The following NRG2 variants were observed in gnomAD, a reference collection of about 807,000 sequenced individuals.
NRG2 encodes pro-neuregulin-2, membrane-bound isoform.
Under a neutral mutation model 73.9 loss-of-function variants are expected in NRG2, and 27 were observed. The ratio of observed to expected loss-of-function variants is 0.37; its 90% CI spans 0.27 to 0.50. The LOEUF is 0.50. NRG2 is among the 20% of genes least tolerant of loss of function. The pLI is 0.96. For missense variants in NRG2, 1,126 were observed against 1,210.1 expected (o/e 0.93, Z 1.03); for synonymous variants, 532 against 541.0 (o/e 0.98, Z 0.23).
chr5:139,885,331 G>C lies in NRG2; in HGVS notation c.872+2009C>G, dbSNP rs540771974. On this transcript the variant is annotated intron_variant, in intron 2 of 9. Transcript: ENST00000361474. ...GACTAGGAGGAGCACCACAGGGCCC[G>C]GGGAGCAGGTATTCCCAGGCCGAGG... 2.6e-5 allele frequency among the ~76,000 whole-genome samples: 4 copies of C among 152,334 alleles called. No homozygotes were observed. In the South Asian group the frequency reaches 8.3e-4, roughly 32 times the overall value.
At chr5:139,962,415 TGAG>T (rs1306104155) in intron 1 of NRG2, among the ~76,000 whole-genome samples, 1 of 152,114 alleles carries the variant, frequency 6.6e-6, no homozygotes, top group East Asian at 1.9e-4. Context: ...TGGAGAAGAC[TGAG>T]GAGAACATTC....
chr5:139,883,833 G>A (rs1176878927), intron 2 of NRG2, among the ~76,000 whole-genome samples: 2 of 152,196 alleles, frequency 1.3e-5, no homozygotes, highest in Non-Finnish European at 2.9e-5. Context: ...GGAGAACAGG[G>A]AAGTTTCCAG....
At chr5:140,023,296 T>C (rs1012573832) in intron 1 of NRG2, among the ~76,000 whole-genome samples, 10 of 152,104 alleles carry the variant, frequency 6.6e-5, no homozygotes, top group Non-Finnish European at 1.5e-5. Flanking sequence ...GCTAATCTCC[T>C]TGTGGTCCTG....
At chr5:139,955,143 G>A (rs1223247463) in intron 1 of NRG2, among the ~76,000 whole-genome samples, 2 of 152,218 alleles carry the variant, frequency 1.3e-5, no homozygotes, top group South Asian at 2.1e-4. Context: ...TCTTGAGAAA[G>A]TCAAACAGTA....
intron 1 of NRG2, among the ~76,000 whole-genome samples, chr5:139,993,226 C>T (rs1478743826): frequency 6.6e-6 from 1 of 152,114 alleles, no homozygotes; most frequent in African/African-American, 2.4e-5. Flanking sequence ...CCTCTAATGG[C>T]TTCTCATTGA....
At position 139,887,157 on chromosome 5, in the gene NRG2, G is replaced by A. The variant is rs780798511; in HGVS notation, c.872+183C>T. On this transcript the variant is annotated intron_variant, in intron 2 of 9. Transcript: ENST00000361474. This position sits in a 1 kb window ranked among gnomAD's most constrained non-coding sequence, Gnocchi z 4.5. Reference sequence around the variant, plus strand: ...AAGACCCTGGGCCACCATGACCAGAGGGTCCCCGAGCTGCAGGAAGAAGGC... The same window carrying A: ...AAGACCCTGGGCCACCATGACCAGAAGGTCCCCGAGCTGCAGGAAGAAGGC... Among the ~76,000 whole-genome samples the A allele has an allele frequency of 6.6e-6, 1 of 152,236 alleles. No individual in the cohort carries two copies. Among genetic ancestry groups the A allele is most frequent in the Non-Finnish European group, 1.5e-5 (1 of 68,046 alleles).
At chr5:139,905,809 C>T (rs1040759603) in intron 1 of NRG2, among the ~76,000 whole-genome samples, 1 of 152,110 alleles carries the variant, frequency 6.6e-6, no homozygotes, top group Admixed American at 6.5e-5. Flanking sequence ...TGGGCAGAAC[C>T]AGAGCCAGGG....
In NRG2 at chr5:139,894,468, A is replaced by C. The variant is rs916013676; in HGVS notation, c.701-6957T>G. Among the ~76,000 whole-genome samples, 3 of 148,278 alleles carry C rather than the reference A, an allele frequency of 2.0e-5. No homozygotes were observed. The highest frequency in any genetic ancestry group is 5.1e-5 in the African/African-American group (2 of 39,602). ...TTCAAATGAGAAAGAAAAAAAAAAA[A>C]CCCACTAAGCTAAAAACACAGCTGG... On this transcript the variant is annotated intron_variant, in intron 1 of 9. Transcript: ENST00000361474. This position sits in a 1 kb window ranked among gnomAD's most constrained non-coding sequence, Gnocchi z 5.0.
At position 139,887,361 on chromosome 5, in the gene NRG2, C is replaced by G; in HGVS notation, c.851G>C (p.Arg284Pro). Residue 284 changes from arginine (R) to proline (P), a missense_variant, in exon 2 of 10, where the codon CGC becomes CCC. Physicochemically the swap from Arg to Pro is moderately radical, Grantham distance 103. Around this residue, in one of 3 missense-constraint regions of NRG2, gnomAD observed 539 missense variants for 703.2 expected, o/e 0.77. Coordinates refer to ENST00000361474, the MANE Select transcript of NRG2 (RefSeq NM_004883.3). This position sits in a 1 kb window ranked among gnomAD's most constrained non-coding sequence, Gnocchi z 4.5. Reference protein sequence around the residue: ...GKELNRSRDIRIKYGNGRKNS... With the variant: ...GKELNRSRDIPIKYGNGRKNS... ...TTACCTGCCGTTGCCATATTTGATG[C>G]GAATGTCTCGGCTGCGGTTGAGCTC... The G allele has an allele frequency of 6.2e-7, 1 of 1,614,162 alleles. No homozygotes were observed. Among genetic ancestry groups the G allele is most frequent in the Non-Finnish European group, 8.5e-7 (1 of 1,180,016 alleles).
intron 1 of NRG2, among the ~76,000 whole-genome samples, chr5:139,989,150 C>T (rs978355629): frequency 2.0e-5 from 3 of 151,954 alleles, no homozygotes; most frequent in East Asian, 3.8e-4. Context: ...TAGAATATTC[C>T]TTGCCTCCCA....
intron 5 of NRG2, among the ~76,000 whole-genome samples, chr5:139,861,953 G>A (rs927170698): frequency 3.9e-5 from 6 of 152,332 alleles, no homozygotes; most frequent in South Asian, 2.1e-4. Context: ...TTCCGACGAG[G>A]TGGTTGTATT....
At chr5:139,997,660 C>G (rs763552888) in intron 1 of NRG2, among the ~76,000 whole-genome samples, 10 of 152,220 alleles carry the variant, frequency 6.6e-5, no homozygotes, top group Non-Finnish European at 8.8e-5. Flanking sequence ...TAGATAGAAA[C>G]CAGCCCCCAG....
Position 139,865,269 on chromosome 5 carries a change from T to C in NRG2, c.1189+280A>G. The C allele has an allele frequency of 1.9e-6, 2 of 1,030,690 alleles. No individual in the cohort carries two copies. Among genetic ancestry groups the C allele is most frequent in the Non-Finnish European group, 3.0e-6 (2 of 659,006 alleles). 63.8% of individuals were successfully genotyped at this position (1,030,690 alleles called of 1,614,324 possible). On this transcript the variant is annotated intron_variant, in intron 5 of 9. Coordinates refer to ENST00000361474, the MANE Select transcript of NRG2 (RefSeq NM_004883.3). The surrounding 1 kb of genome is among the most constrained non-coding windows in gnomAD (Gnocchi z 5.2). ...CGGGCTCCTGCCAATGCCAGCTGGG[T>C]TCCTTGCCACCGTTACCATTTGTAT...
intron 1 of NRG2, among the ~76,000 whole-genome samples, chr5:139,924,686 C>CT (rs1280058671): frequency 6.6e-6 from 1 of 152,144 alleles, no homozygotes; most frequent in Non-Finnish European, 1.5e-5. Flanking sequence ...CTTTACTTGT[C>CT]TTTTTTGGGG....
intron 1 of NRG2, among the ~76,000 whole-genome samples, chr5:139,934,524 C>T (rs1322389895): frequency 6.6e-6 from 1 of 151,554 alleles, no homozygotes; most frequent in Non-Finnish European, 1.5e-5. Context: ...ACTAACGAGC[C>T]AGTAAAAAGG....
At chr5:139,912,485 C>T (rs1646676691) in intron 1 of NRG2, among the ~76,000 whole-genome samples, 4 of 152,152 alleles carry the variant, frequency 2.6e-5, no homozygotes, top group Admixed American at 2.6e-4. Flanking sequence ...GACGATGTCA[C>T]AGACACTAAC....
At chr5:139,967,974 A>AAATAAAT (rs1755668321) in intron 1 of NRG2, among the ~76,000 whole-genome samples, 1 of 144,420 alleles carries the variant, frequency 6.9e-6, no homozygotes, top group East Asian at 2.1e-4. Context: ...ATAAAACATA[A>AAATAAAT]AAATAAATAA....
chr5:140,037,174 G>C (rs1455672907), intron 1 of NRG2, among the ~76,000 whole-genome samples: 1 of 152,170 alleles, frequency 6.6e-6, no homozygotes, highest in African/African-American at 2.4e-5. Context: ...ATGCACTGTG[G>C]AGTTTTCTCT....
chr5:139,968,510 C>T (rs1370364762), intron 1 of NRG2, among the ~76,000 whole-genome samples: 1 of 152,190 alleles, frequency 6.6e-6, no homozygotes, highest in Non-Finnish European at 1.5e-5. Flanking sequence ...CCTGGTCGAT[C>T]CTCGCCAAAG....
Sources: gnomAD v4.1 joint callset for allele counts (sites outside exome capture counted in the v4.1 genomes callset) on GRCh38, gnomAD v4.1.1 for gene constraint, gnomAD v4.1.1 regional missense constraint, Gnocchi (gnomAD v3.1) non-coding constraint, MANE v1.5 for transcripts, NCBI Gene and HGNC (gene_info 2026-07-23, HGNC 2026-07-21) for gene names.